MAPT: variants seen among roughly 807,000 people sequenced by gnomAD.
MAPT encodes microtubule-associated protein tau.
In MAPT, 34 loss-of-function variants were observed where a neutral mutation model predicts 67.9. That is an observed-to-expected ratio of 0.50 (90% confidence interval 0.38 to 0.67). The LOEUF is 0.67. Among genes scored for constraint, MAPT ranks in the 30% least tolerant of loss-of-function variants. The pLI is 0.00. For synonymous variants in MAPT, 456 were observed against 464.5 expected, an observed-to-expected ratio of 0.98 and a Z score of 0.23; for missense variants, 881 against 1,115.2, an observed-to-expected ratio of 0.79 and a Z score of 2.99.
rs2065136958 is a variant in MAPT at position 45,915,501 on chromosome 17, T to C, written c.-18+20815T>C. On this transcript the variant is annotated intron_variant, in intron 1 of 12. Coordinates refer to ENST00000262410, the MANE Select transcript of MAPT (RefSeq NM_001377265.1). The surrounding 1 kb of genome is among the most constrained non-coding windows in gnomAD (Gnocchi z 4.4). ...TGTGTTGTGATATGTGTGTGGTGTG[T>C]GAGCATGTGTGTGTGATGTGTCTGT... Among the ~76,000 whole-genome samples, 1 of 150,990 alleles carries C rather than the reference T, an allele frequency of 6.6e-6. No homozygotes were observed. Among genetic ancestry groups the C allele is most frequent in the African/African-American group, 2.4e-5 (1 of 40,968 alleles).
intron 5 of MAPT, chr17:45,985,568 C>G (rs1018285358): frequency 1.6e-5 from 7 of 427,138 alleles, no homozygotes; most frequent in East Asian, 1.6e-4. Flanking sequence ...CTTGTCAGAG[C>G]CTTTAATGTA....
chr17:46,014,225 C>A lies in MAPT; in HGVS notation c.2092-18C>A, dbSNP rs527604171. 6.0e-5 allele frequency: 91 copies of A among 1,504,154 alleles called. 1 individual carries two copies. The South Asian group carries it at 8.5e-4, about 14-fold the overall frequency. 93.2% of individuals were successfully genotyped at this position (1,504,154 alleles called of 1,614,324 possible). A position where few individuals can be genotyped will look rare whatever the true frequency, so the allele number is the denominator to read the frequency against. ...CTCTCTGCCTTTCCTCTTCTCTCTC[C>A]TCCTCTCTCATCTCCAGGTGCAAAT... On this transcript the variant is annotated intron_variant, in intron 10 of 12. Transcript: ENST00000262410.
At chr17:45,961,910 G>C (rs913781053) in intron 1 of MAPT, among the ~76,000 whole-genome samples, 4 of 152,032 alleles carry the variant, frequency 2.6e-5, no homozygotes, top group African/African-American at 9.7e-5. Context: ...CCAGTAGCTG[G>C]GATTACAGGC....
intron 9 of MAPT, among the ~76,000 whole-genome samples, chr17:46,002,747 G>A (rs767009240): frequency 3.9e-5 from 6 of 152,140 alleles, no homozygotes; most frequent in Non-Finnish European, 7.3e-5. Flanking sequence ...GTTCTGGGCC[G>A]CAGCCTGGGT....
intron 1 of MAPT, among the ~76,000 whole-genome samples, chr17:45,960,893 A>C (rs2070332391): frequency 6.6e-6 from 1 of 152,320 alleles, no homozygotes; most frequent in East Asian, 1.9e-4. Flanking sequence ...TACGAATATG[A>C]AAATATGCAA....
chr17:45,959,780 T>TA (rs879579595), intron 1 of MAPT, among the ~76,000 whole-genome samples: 20 of 145,752 alleles, frequency 1.4e-4, no homozygotes, highest in South Asian at 2.2e-4. Flanking sequence ...AAACTCCATC[T>TA]AAAAAAAAAA....
chr17:45,975,656 T>G (rs1470347746), intron 3 of MAPT: 1 of 152,206 alleles, frequency 6.6e-6, no homozygotes, highest in Non-Finnish European at 1.5e-5. Flanking sequence ...TCTTGACTTT[T>G]CCATCACTCC....
intron 9 of MAPT, among the ~76,000 whole-genome samples, chr17:46,002,326 T>TG (rs1399970736): frequency 3.3e-5 from 5 of 151,636 alleles, no homozygotes; most frequent in Admixed American, 1.3e-4. Context: ...CAGCCCTTCT[T>TG]GGGGGGTCGC....
chr17:46,015,353 G>A (rs936811289), intron 11 of MAPT, among the ~76,000 whole-genome samples: 33 of 146,654 alleles, frequency 2.3e-4, no homozygotes, highest in African/African-American at 7.4e-4. Context: ...GTGAAACTCC[G>A]TCTCAAAAAT....
Position 45,996,783 on chromosome 17 carries a change from G to A in MAPT, c.1998+119G>A. On this transcript the variant is annotated intron_variant, in intron 9 of 12. Coordinates refer to ENST00000262410, the MANE Select transcript of MAPT (RefSeq NM_001377265.1). The surrounding 1 kb of genome is among the most constrained non-coding windows in gnomAD (Gnocchi z 4.5). ...CGGTTGAGCGTGGAGTCGTGGGACT[G>A]TGCATGGAGGTGTGGGGCTCCCCGC... 7.2e-7 allele frequency: 1 copy of A among 1,385,032 alleles called. No homozygotes were observed. Among genetic ancestry groups the A allele is most frequent in the Non-Finnish European group, 9.8e-7 (1 of 1,025,370 alleles). The allele number at this position is 1,385,032 out of a possible 1,614,324, so 85.8% of individuals were successfully genotyped here.
intron 1 of MAPT, among the ~76,000 whole-genome samples, chr17:45,943,057 C>G (rs2068136796): frequency 1.3e-5 from 2 of 152,102 alleles, no homozygotes; most frequent in South Asian, 4.1e-4. Flanking sequence ...CCTGGTATGG[C>G]ACTTCTCTTT....
rs148942945 is a variant in MAPT, at chr17:45,956,086, G to A, written c.-17-6235G>A. ...TTTGCCCATTGAGAACGGCTGAGAC[G>A]CATTTTAAGTGGCCAGGGTCTACTT... On this transcript the variant is annotated intron_variant, in intron 1 of 12. Coordinates refer to ENST00000262410, the MANE Select transcript of MAPT (RefSeq NM_001377265.1). Among the ~76,000 whole-genome samples the A allele has an allele frequency of 8.3e-4, 126 of 152,296 alleles. No homozygotes were observed. The Middle Eastern group carries it at 0.017, about 21-fold the overall frequency.
At chr17:45,903,714 C>CAAAAAAA (rs1222023338) in intron 1 of MAPT, among the ~76,000 whole-genome samples, 7 of 37,130 alleles carry the variant, frequency 1.9e-4, no homozygotes, top group Non-Finnish European at 3.1e-4. Flanking sequence ...GACTTCTTCT[C>CAAAAAAA]AAAAAAAAAA....
chr17:46,003,193 G>A (rs1057492369), intron 9 of MAPT, among the ~76,000 whole-genome samples: 2 of 151,774 alleles, frequency 1.3e-5, no homozygotes, highest in Admixed American at 1.3e-4. Context: ...CCATCTCTCC[G>A]ATCTGTTTCT....
At chr17:45,992,267 C>T (rs887275592) in intron 8 of MAPT, among the ~76,000 whole-genome samples, 19 of 152,216 alleles carry the variant, frequency 1.2e-4, no homozygotes, top group African/African-American at 4.1e-4. Context: ...TGGCAGCTCT[C>T]GGAGCCTCTC....
At chr17:45,981,502 C>T (rs2072943877) in intron 4 of MAPT, among the ~76,000 whole-genome samples, 1 of 152,184 alleles carries the variant, frequency 6.6e-6, no homozygotes, top group African/African-American at 2.4e-5. Context: ...TCACTGTCTG[C>T]CGTGCAGAGC....
At chr17:45,905,318 G>A (rs894956502) in intron 1 of MAPT, among the ~76,000 whole-genome samples, 1 of 152,192 alleles carries the variant, frequency 6.6e-6, no homozygotes, top group East Asian at 1.9e-4. Flanking sequence ...TAGTGGTGAA[G>A]TTCCTCCCTT....
chr17:45,930,974 C>T (rs1056667521), intron 1 of MAPT, among the ~76,000 whole-genome samples: 24 of 152,130 alleles, frequency 1.6e-4, no homozygotes, highest in African/African-American at 5.8e-4. Flanking sequence ...CATCCCGGCC[C>T]CAAGAAGTCA....
intron 6 of MAPT, among the ~76,000 whole-genome samples, chr17:45,989,397 T>C (rs1178387268): frequency 6.6e-6 from 1 of 152,146 alleles, no homozygotes; most frequent in Non-Finnish European, 1.5e-5. Context: ...ACGCCTGTAA[T>C]CCCAGCACTT....
Sources: gnomAD v4.1 joint callset for allele counts (sites outside exome capture counted in the v4.1 genomes callset) on GRCh38, gnomAD v4.1.1 for gene constraint, Gnocchi (gnomAD v3.1) non-coding constraint, MANE v1.5 for transcripts, NCBI Gene and HGNC (gene_info 2026-07-23, HGNC 2026-07-21) for gene names.